The following GRIN2A variants were observed in gnomAD, a reference collection of about 807,000 sequenced individuals.
GRIN2A encodes glutamate ionotropic receptor NMDA type subunit 2A.
GRIN2A carries 22 observed loss-of-function variants against 113.4 expected under a neutral mutation model. The ratio of observed to expected loss-of-function variants is 0.19; its 90% CI spans 0.14 to 0.28. GRIN2A has a LOEUF of 0.28. Among genes scored for constraint, GRIN2A ranks in the 10% least tolerant of loss-of-function variants. The pLI is 1.00. For missense variants in GRIN2A, 1,502 were observed against 1,887.0 expected (o/e 0.80, Z 3.78); for synonymous variants, 827 against 738.4 (o/e 1.12, Z -1.94).
At chr16:9,987,941 C>T (rs1402363892) in intron 2 of GRIN2A, among the ~76,000 whole-genome samples, 2 of 152,320 alleles carry the variant, frequency 1.3e-5, no homozygotes, top group African/African-American at 2.4e-5. Flanking sequence ...ACAGCTAATA[C>T]TTGGACGTGT....
intron 1 of GRIN2A, among the ~76,000 whole-genome samples, chr16:10,181,342 G>A (rs978931892): frequency 6.6e-5 from 10 of 152,238 alleles, no homozygotes; most frequent in Admixed American, 6.5e-4. Context: ...TAGGGGGAAA[G>A]GTAGGCTCCC....
At chr16:9,875,193 A>G (rs186690637) in intron 4 of GRIN2A, among the ~76,000 whole-genome samples, 70 of 152,072 alleles carry the variant, frequency 4.6e-4, no homozygotes, top group African/African-American at 1.6e-3. Flanking sequence ...TGGGGGAATC[A>G]AAGTGGTGAA....
chr16:10,113,415 C>T (rs2048663950), intron 2 of GRIN2A, among the ~76,000 whole-genome samples: 1 of 152,222 alleles, frequency 6.6e-6, no homozygotes, highest in East Asian at 1.9e-4. Flanking sequence ...ATTCCCCTGT[C>T]CCTGGCCCCG....
At chr16:10,067,469 G>A (rs1461868669) in intron 2 of GRIN2A, among the ~76,000 whole-genome samples, 1 of 152,190 alleles carries the variant, frequency 6.6e-6, no homozygotes, top group Non-Finnish European at 1.5e-5. Context: ...TAGCATCCAT[G>A]CCAATGACAC....
intron 2 of GRIN2A, among the ~76,000 whole-genome samples, chr16:9,999,851 C>A (rs372412791): frequency 5.9e-5 from 9 of 152,150 alleles, no homozygotes; most frequent in African/African-American, 1.9e-4. Context: ...ACAAGCACAA[C>A]GACTTAGAAT....
chr16:9,764,549 C>T lies in GRIN2A; in HGVS notation c.2995G>A (p.Ala999Thr), dbSNP rs1195264315. ...NESNPNTVEVAVSTESKANSR... is the reference protein window; with the variant it reads ...NESNPNTVEVTVSTESKANSR... ...TTCGCTTTGGATTCTGTGCTCACGG[C>T]CACCTCCACCGTGTTAGGGTTGGAC... The change falls in exon 13 of 13, where the codon GCC becomes ACC. Residue 999 changes from alanine to threonine, a missense_variant. By Grantham distance (58) the Ala-to-Thr change is moderately conservative. Around this residue, in one of 7 missense-constraint regions of GRIN2A, gnomAD observed 832 missense variants for 789.7 expected, o/e 1.05. Transcript: ENST00000330684. 2 of 1,613,934 alleles carry T rather than the reference C, an allele frequency of 1.2e-6. No individual in the cohort carries two copies. Among genetic ancestry groups the T allele is most frequent in the Admixed American group, 3.3e-5 (2 of 60,024 alleles).
At chr16:10,118,106 G>A (rs2048763154) in intron 2 of GRIN2A, among the ~76,000 whole-genome samples, 1 of 152,200 alleles carries the variant, frequency 6.6e-6, no homozygotes, top group Non-Finnish European at 1.5e-5. Context: ...TGTGGCTGGT[G>A]TTATCTTTGC....
chr16:10,080,598 G>C (rs1019303849), intron 2 of GRIN2A, among the ~76,000 whole-genome samples: 3 of 152,192 alleles, frequency 2.0e-5, no homozygotes, highest in Non-Finnish European at 2.9e-5. Context: ...GAGGCTGAAG[G>C]CTTGATGGAT....
chr16:10,070,865 T>C (rs1296398681), intron 2 of GRIN2A, among the ~76,000 whole-genome samples: 1 of 152,210 alleles, frequency 6.6e-6, no homozygotes, highest in Non-Finnish European at 1.5e-5. Flanking sequence ...TGTCTGCTTT[T>C]CTCATGGGTA....
intron 2 of GRIN2A, among the ~76,000 whole-genome samples, chr16:10,160,900 G>A (rs2049796780): frequency 6.6e-6 from 1 of 152,188 alleles, no homozygotes; most frequent in African/African-American, 2.4e-5. Context: ...GCACGTTCGT[G>A]GAGCCAGGTT....
At chr16:10,140,245 A>G (rs966330581) in intron 2 of GRIN2A, among the ~76,000 whole-genome samples, 1 of 152,186 alleles carries the variant, frequency 6.6e-6, no homozygotes, top group East Asian at 1.9e-4. Context: ...ATTAGTACTT[A>G]ATTAATGTAT....
chr16:10,146,713 G>C (rs1299155653), intron 2 of GRIN2A, among the ~76,000 whole-genome samples: 1 of 152,040 alleles, frequency 6.6e-6, no homozygotes, highest in East Asian at 1.9e-4. Flanking sequence ...GGTGGCTCCT[G>C]GAGCGTCTGT....
intron 4 of GRIN2A, among the ~76,000 whole-genome samples, chr16:9,854,126 G>C (rs1430282079): frequency 2.0e-5 from 3 of 152,100 alleles, no homozygotes; most frequent in Admixed American, 6.6e-5. Context: ...TTGGTGGAGT[G>C]AATAAACATA....
chr16:9,800,033 G>A (rs1022034927), intron 10 of GRIN2A, among the ~76,000 whole-genome samples: 2 of 151,784 alleles, frequency 1.3e-5, no homozygotes, highest in Non-Finnish European at 2.9e-5. Flanking sequence ...GGAGTGCAAT[G>A]GTGCGATCTC....
intron 4 of GRIN2A, among the ~76,000 whole-genome samples, chr16:9,850,577 T>A (rs988158932): frequency 1.3e-5 from 2 of 151,948 alleles, no homozygotes; most frequent in South Asian, 2.1e-4. Context: ...GAGAGGAAGA[T>A]GAAGCTAGAG....
intron 2 of GRIN2A, among the ~76,000 whole-genome samples, chr16:10,119,747 C>T (rs941337154): frequency 6.6e-6 from 1 of 152,106 alleles, no homozygotes; most frequent in African/African-American, 2.4e-5. Context: ...CCTCCGCCCT[C>T]GATTAGAACT....
intron 2 of GRIN2A, among the ~76,000 whole-genome samples, chr16:9,986,063 A>G (rs2045975006): frequency 6.6e-6 from 1 of 152,346 alleles, no homozygotes; most frequent in East Asian, 1.9e-4. Context: ...GTTTTTATAT[A>G]CATATACAAT....
intron 2 of GRIN2A, among the ~76,000 whole-genome samples, chr16:10,037,555 C>T (rs909277275): frequency 6.6e-6 from 1 of 152,132 alleles, no homozygotes; most frequent in Non-Finnish European, 1.5e-5. Context: ...AAGTCTAAAC[C>T]CCTTAGCATG....
chr16:10,010,237 T>C (rs1350592857), intron 2 of GRIN2A, among the ~76,000 whole-genome samples: 3 of 152,258 alleles, frequency 2.0e-5, no homozygotes, highest in Non-Finnish European at 4.4e-5. Context: ...CACATATATC[T>C]AGCTTTTACT....
Sources: allele counts gnomAD v4.1 joint callset (sites outside exome capture counted in the v4.1 genomes callset), GRCh38; gene constraint gnomAD v4.1.1; regional missense constraint gnomAD v4.1.1; transcripts MANE v1.5; gene names NCBI Gene and HGNC (gene_info 2026-07-23, HGNC 2026-07-21).